SCHIP1: variants seen among roughly 807,000 people sequenced by gnomAD.
SCHIP1 encodes schwannomin-interacting protein 1.
A neutral mutation model predicts 29.7 loss-of-function variants in SCHIP1; 8 were observed. The ratio of observed to expected loss-of-function variants is 0.27; its 90% CI spans 0.16 to 0.49. SCHIP1 has a LOEUF of 0.49. SCHIP1 is among the 20% of genes least tolerant of loss of function. SCHIP1 has a pLI of 0.99. For synonymous variants in SCHIP1, 76 were observed against 94.9 expected, an observed-to-expected ratio of 0.80 and a Z score of 1.16; for missense variants, 193 against 294.6, an observed-to-expected ratio of 0.66 and a Z score of 2.52.
At chr3:159,680,705 TTATATATAATATATGTA>T in the SCHIP1 span, among the ~76,000 whole-genome samples, 1 of 5,592 alleles carries the variant, frequency 1.8e-4, no homozygotes. Flanking sequence ...ATAATATATA[TTATATATAATATATGTA>T]TATATATAAT....
the SCHIP1 span, among the ~76,000 whole-genome samples, chr3:159,441,229 G>A: frequency 5.3e-5 from 8 of 152,084 alleles, no homozygotes; most frequent in Non-Finnish European, 8.8e-5. Flanking sequence ...TTACTCTTAG[G>A]TGATTCTACA....
chr3:159,307,043 G>C, the SCHIP1 span, among the ~76,000 whole-genome samples: 24 of 152,290 alleles, frequency 1.6e-4, no homozygotes, highest in Admixed American at 1.4e-3. Context: ...GTTCATTGCA[G>C]TGCTAGCTAC....
the SCHIP1 span, among the ~76,000 whole-genome samples, chr3:159,608,902 A>G: frequency 6.6e-6 from 1 of 152,198 alleles, no homozygotes; most frequent in Non-Finnish European, 1.5e-5. Context: ...CTCAGTTTAC[A>G]AGTAGTCAGC....
chr3:159,582,098 C>T, the SCHIP1 span, among the ~76,000 whole-genome samples: 2 of 151,944 alleles, frequency 1.3e-5, no homozygotes, highest in Admixed American at 6.6e-5. Flanking sequence ...GATACAAAGC[C>T]AAAATTCAGT....
At chr3:159,828,374 T>TATACACAC in the SCHIP1 span, among the ~76,000 whole-genome samples, 14 of 94,732 alleles carry the variant, frequency 1.5e-4, no homozygotes, top group Admixed American at 3.2e-4. Context: ...TATATATATA[T>TATACACAC]ACATATATAT....
At chr3:159,398,940 A>T in the SCHIP1 span, 1 of 983,360 alleles carries the variant, frequency 1.0e-6, no homozygotes, top group Non-Finnish European at 1.2e-6. Context: ...TTTGTAGAGG[A>T]TTATTCAAAC....
chr3:159,604,094 C>T, the SCHIP1 span, among the ~76,000 whole-genome samples: 2 of 152,142 alleles, frequency 1.3e-5, no homozygotes, highest in Admixed American at 1.3e-4. Context: ...CACATTCAAG[C>T]TATAGCACCC....
the SCHIP1 span, among the ~76,000 whole-genome samples, chr3:159,548,031 G>T: frequency 3.3e-5 from 5 of 151,708 alleles, no homozygotes; most frequent in African/African-American, 1.2e-4. Context: ...ATTTATCTTT[G>T]CTATTTTATA....
the SCHIP1 span, among the ~76,000 whole-genome samples, chr3:159,820,076 T>G: frequency 6.6e-6 from 1 of 152,154 alleles, no homozygotes; most frequent in East Asian, 1.9e-4. Context: ...CACATAGACT[T>G]GAATGAAAGC....
the SCHIP1 span, among the ~76,000 whole-genome samples, chr3:159,480,746 G>A: frequency 6.6e-6 from 1 of 152,052 alleles, no homozygotes; most frequent in Non-Finnish European, 1.5e-5. Context: ...GCAAAGAAAG[G>A]TCACTTTGGT....
the SCHIP1 span, among the ~76,000 whole-genome samples, chr3:159,569,168 T>C: frequency 2.0e-5 from 3 of 152,118 alleles, no homozygotes; most frequent in African/African-American, 7.2e-5. Flanking sequence ...ATCCAATTAC[T>C]GGTTTTTTTT....
the SCHIP1 span, among the ~76,000 whole-genome samples, chr3:159,383,824 A>G: frequency 6.6e-6 from 1 of 150,904 alleles, no homozygotes; most frequent in Non-Finnish European, 1.5e-5. Context: ...GGTCCTTCAC[A>G]TCCCTTGTAA....
At chr3:159,536,852 A>G in the SCHIP1 span, among the ~76,000 whole-genome samples, 3 of 152,216 alleles carry the variant, frequency 2.0e-5, no homozygotes, top group African/African-American at 7.2e-5. Flanking sequence ...TAAATGCATA[A>G]AACTCATCTC....
chr3:159,428,502 T>C, the SCHIP1 span, among the ~76,000 whole-genome samples: 1 of 152,108 alleles, frequency 6.6e-6, no homozygotes, highest in African/African-American at 2.4e-5. Context: ...TGAGATACCA[T>C]CTCACACCAG....
At chr3:159,547,516 T>C in the SCHIP1 span, among the ~76,000 whole-genome samples, 1 of 152,220 alleles carries the variant, frequency 6.6e-6, no homozygotes, top group Admixed American at 6.5e-5. Context: ...TGGTATTGCA[T>C]AGGTTTTCTT....
the SCHIP1 span, among the ~76,000 whole-genome samples, chr3:159,547,203 C>T: frequency 6.6e-6 from 1 of 152,030 alleles, no homozygotes; most frequent in African/African-American, 2.4e-5. Flanking sequence ...GTTTGTTGAC[C>T]GCATTAATGC....
chr3:159,788,445 A>G, the SCHIP1 span, among the ~76,000 whole-genome samples: 1 of 152,206 alleles, frequency 6.6e-6, no homozygotes, highest in Admixed American at 6.5e-5. Flanking sequence ...TTTCACTTGT[A>G]AGAAATTAAA....
At chr3:159,651,959 G>A in the SCHIP1 span, among the ~76,000 whole-genome samples, 18 of 152,178 alleles carry the variant, frequency 1.2e-4, no homozygotes, top group African/African-American at 3.9e-4. Context: ...AGCCGGGCAT[G>A]GTGGCACGTG....
intron 1 of SCHIP1, among the ~76,000 whole-genome samples, chr3:159,844,460 A>T (rs1711535701): frequency 6.6e-6 from 1 of 152,192 alleles, no homozygotes; most frequent in Non-Finnish European, 1.5e-5. Context: ...TTTCTTCCTT[A>T]CAGGATTTAT....
Sources: allele counts gnomAD v4.1 joint callset (sites outside exome capture counted in the v4.1 genomes callset), GRCh38; gene constraint gnomAD v4.1.1; transcripts MANE v1.5; gene names NCBI Gene and HGNC (gene_info 2026-07-23, HGNC 2026-07-21).